CASKIN2: variants seen among roughly 807,000 people sequenced by gnomAD.
CASKIN2 encodes the protein CASK interacting protein 2.
A neutral mutation model predicts 107.1 loss-of-function variants in CASKIN2; 41 were observed. The ratio of observed to expected loss-of-function variants is 0.38; its 90% CI spans 0.30 to 0.50. The LOEUF is 0.50. CASKIN2 is among the 20% of genes least tolerant of loss of function. CASKIN2 has a pLI of 0.92. For missense variants in CASKIN2, 1,546 were observed against 1,657.4 expected, an observed-to-expected ratio of 0.93 and a Z score of 1.17; for synonymous variants, 724 against 705.6, an observed-to-expected ratio of 1.03 and a Z score of -0.41.
chr17:75,504,388 C>T, intron 13 of CASKIN2, 32 bp downstream of exon 13: 8 of 1,602,522 alleles, frequency 5.0e-6, no homozygotes, highest in Non-Finnish European at 6.8e-6. Flanking sequence ...TGCACCTCTC[C>T]TAGCCAACCC....
intron 4 of CASKIN2, 113 bp downstream of exon 4, chr17:75,507,471 T>G (rs2053277862): frequency 1.3e-6 from 1 of 775,772 alleles, no homozygotes; most frequent in African/African-American, 1.7e-5. Context: ...AGAGACGCTG[T>G]GCTAGCATCT....
At chr17:75,513,424 G>T (rs2053330980) in intron 2 of CASKIN2, among the ~76,000 whole-genome samples, 1 of 152,190 alleles carries the variant, frequency 6.6e-6, no homozygotes, top group Non-Finnish European at 1.5e-5. Context: ...CAGCCTGGGT[G>T]ACAAGCTATA....
chr17:75,501,817 G>A lies in CASKIN2; in HGVS notation c.3257C>T (p.Pro1086Leu), dbSNP rs199651519. The A allele has an allele frequency of 2.0e-5, 31 of 1,548,602 alleles. No homozygotes were observed. Among genetic ancestry groups the A allele is most frequent in the African/African-American group, 1.6e-4 (12 of 73,070 alleles). Residue 1086 changes from proline to leucine, a missense_variant, in exon 18 of 20, where the codon CCG becomes CTG. Pro to Leu is a moderately conservative substitution (Grantham distance 98). Coordinates refer to ENST00000321617, the MANE Select transcript of CASKIN2 (RefSeq NM_020753.5). ...ASRWNGETEPPAAPAALLKVP... is the reference protein window; with the variant it reads ...ASRWNGETEPLAAPAALLKVP... The stretch of plus-strand genomic sequence containing the variant: ...CTTGAGGAGGGCAGCAGGGGCGGCC[G>A]GGGGTTCTGTCTCCCCATTCCACCG...
intron 2 of CASKIN2, among the ~76,000 whole-genome samples, chr17:75,512,949 A>G (rs1317969562): frequency 6.6e-6 from 1 of 151,932 alleles, no homozygotes; most frequent in Non-Finnish European, 1.5e-5. Context: ...ACACGAACAT[A>G]GAGGTGCTCT....
chr17:75,501,013 G>A lies in CASKIN2; in HGVS notation c.*67C>T, dbSNP rs2146975477. The A allele has an allele frequency of 6.9e-7, 1 of 1,450,432 alleles. No homozygotes were observed. The highest frequency in any genetic ancestry group is 1.2e-5 in the South Asian group (1 of 81,990). 89.8% of individuals were successfully genotyped at this position (1,450,432 alleles called of 1,614,324 possible). A position where few individuals can be genotyped will look rare whatever the true frequency, so the allele number is the denominator to read the frequency against. On this transcript the variant is annotated 3_prime_UTR_variant, in exon 20 of 20. Coordinates refer to ENST00000321617, the MANE Select transcript of CASKIN2 (RefSeq NM_020753.5). The stretch of plus-strand genomic sequence containing the variant: ...CCTTGGCCCGTCCCTAGGGTGGCAG[G>A]GGCCTCTTCTGTGCTGGGGCAAAGG...
intron 11 of CASKIN2, 40 bp downstream of exon 11, chr17:75,504,772 G>T (rs572918040): frequency 6.3e-7 from 1 of 1,585,546 alleles, no homozygotes; most frequent in African/African-American, 1.3e-5. Context: ...CAGGCCACAC[G>T]CCCACACAGT....
Position 75,501,183 on chromosome 17 carries a change from G to A in CASKIN2, c.3519-13C>T, listed in dbSNP as rs755815421. 1 of 1,572,174 alleles carries A rather than the reference G, an allele frequency of 6.4e-7. No individual in the cohort carries two copies. The highest frequency in any genetic ancestry group is 1.2e-5 in the South Asian group (1 of 85,822). On this transcript the variant is annotated splice_polypyrimidine_tract_variant and intron_variant, in intron 19 of 19. Transcript: ENST00000321617. ...GGCGCTGGGGGTGCTGCAGCAAGGG[G>A]AAGGATGCGGTCAGATCAGCCAGTG... is the stretch of plus-strand genomic sequence containing the variant.
intron 2 of CASKIN2, 115 bp from the exon 3 acceptor site, chr17:75,508,400 C>T: frequency 8.8e-7 from 1 of 1,138,260 alleles, no homozygotes; most frequent in South Asian, 1.4e-5. Context: ...AGCACCTGCC[C>T]CATGGCCTTC....
Position 75,502,890 on chromosome 17 carries a change from C to G in CASKIN2, c.2184G>C (p.Gln728His). Reference protein sequence around the residue: ...QPSGGDPSPPQERNLPEGTER... With the variant: ...QPSGGDPSPPHERNLPEGTER... ...CTGTGCCCTCTGGGAGGTTCCTCTCCTGGGGGGGGCTGGGATCTCCACCGC... is the reference window on the plus strand; with the variant it reads ...CTGTGCCCTCTGGGAGGTTCCTCTCGTGGGGGGGGCTGGGATCTCCACCGC... Residue 728 changes from glutamine to histidine, a missense_variant, in exon 18 of 20, where the codon CAG becomes CAC. Transcript: ENST00000321617. This position sits in a 1 kb window ranked among gnomAD's most constrained non-coding sequence, Gnocchi z 4.3. 6.5e-7 allele frequency: 1 copy of G among 1,543,152 alleles called. No individual in the cohort carries two copies. The highest frequency in any genetic ancestry group is 1.3e-5 in the South Asian group (1 of 79,658).
At position 75,503,895 on chromosome 17, in the gene CASKIN2, T is replaced by C. The variant is rs750134829; in HGVS notation, c.1535A>G (p.Gln512Arg). 3.1e-6 allele frequency: 5 copies of C among 1,612,788 alleles called. No homozygotes were observed. Among genetic ancestry groups the C allele is most frequent in the Non-Finnish European group, 4.2e-6 (5 of 1,179,908 alleles). The stretch of plus-strand genomic sequence containing the variant: ...GATGGTAGGCACATCATAGCCGGCC[T>C]GCAGAAAGTGGGCAGTGTAGCCCTC... Reference protein sequence around the residue: ...QLEGYTAHFLQAGYDVPTISR... With the variant: ...QLEGYTAHFLRAGYDVPTISR... The change falls in exon 15 of 20, where the codon CAG (glutamine) becomes CGG (arginine). Residue 512 changes from glutamine to arginine, a missense_variant. By Grantham distance (43) the Gln-to-Arg change is conservative. Transcript: ENST00000321617.
chr17:75,505,235 G>A lies in CASKIN2; in HGVS notation c.931-162C>T. The A allele has an allele frequency of 1.3e-6, 1 of 783,912 alleles. No individual in the cohort carries two copies. Among genetic ancestry groups the A allele is most frequent in the South Asian group, 1.7e-5 (1 of 59,096 alleles). 48.6% of individuals were successfully genotyped at this position (783,912 alleles called of 1,614,324 possible). A position where few individuals can be genotyped will look rare whatever the true frequency, so the allele number is the denominator to read the frequency against. ...CACTGGCCCAAGTTCCGCCCCTGCT[G>A]CCAGCAGCCAGCTCAATCTCCCCTG... On this transcript the variant is annotated intron_variant, in intron 10 of 19. Transcript: ENST00000321617. This position sits in a 1 kb window ranked among gnomAD's most constrained non-coding sequence, Gnocchi z 5.1.
At position 75,514,116 on chromosome 17, in the gene CASKIN2, TC is replaced by T; in HGVS notation, c.-313del. The stretch of plus-strand genomic sequence containing the variant: ...GGGCTGGGACTGGGCACACCAATCT[TC>T]CCGGCTTGGCTGTGGAACACCAGTG... On this transcript the variant is annotated 5_prime_UTR_variant, in exon 2 of 20. The change abolishes the stop of an existing upstream ORF in the 5' untranslated region. Coordinates refer to ENST00000321617, the MANE Select transcript of CASKIN2 (RefSeq NM_020753.5). The T allele has an allele frequency of 1.9e-6, 1 of 527,464 alleles. No homozygotes were observed. The highest frequency in any genetic ancestry group is 3.4e-6 in the Non-Finnish European group (1 of 298,234). 32.7% of individuals were successfully genotyped at this position (527,464 alleles called of 1,614,324 possible). A position where few individuals can be genotyped will look rare whatever the true frequency, so the allele number is the denominator to read the frequency against.
rs2053183534 is a variant in CASKIN2, at chr17:75,501,472, C to T, written c.3514G>A (p.Glu1172Lys). ...AEKSIGTKEQ[E>K]GTPSASTKHI... ...TCCCCATCCGGCCCCCCTCACCCCT[C>T]TTGCTCCTTGGTGCCAATGCTCTTC... The change falls in exon 19 of 20, where the codon GAG becomes AAG. Residue 1172 changes from glutamate (E) to lysine (K), a missense_variant. Around this residue, in one of 6 missense-constraint regions of CASKIN2, gnomAD observed 1,311 missense variants for 1,311.0 expected, o/e 1.00. Coordinates refer to ENST00000321617, the MANE Select transcript of CASKIN2 (RefSeq NM_020753.5). 1.2e-6 allele frequency: 2 copies of T among 1,608,124 alleles called. No homozygotes were observed. Among genetic ancestry groups the T allele is most frequent in the South Asian group, 1.1e-5 (1 of 90,900 alleles).
chr17:75,511,291 C>T (rs1310628404), intron 2 of CASKIN2, among the ~76,000 whole-genome samples: 2 of 151,982 alleles, frequency 1.3e-5, no homozygotes, highest in Non-Finnish European at 2.9e-5. Flanking sequence ...GAACTCCTGA[C>T]GTCAAGTGAT....
At position 75,501,978 on chromosome 17, in the gene CASKIN2, TGGA is replaced by T. The variant is rs950461956; in HGVS notation, c.3093_3095del (p.Pro1032del). On this transcript the variant is annotated inframe_deletion, in exon 18 of 20. Transcript: ENST00000321617. The stretch of plus-strand genomic sequence containing the variant: ...GCTCGGGCTGGGGAAGGCTAGAAGC[TGGA>T]GGAGACTCGCCAGGAGTTGGGGAAG... 6 of 1,611,470 alleles carry T rather than the reference TGGA, an allele frequency of 3.7e-6. No individual in the cohort carries two copies. In the African/African-American group the frequency reaches 6.7e-5, roughly 18 times the overall value.
Position 75,502,227 on chromosome 17 carries a change from C to T in CASKIN2, c.2847G>A (p.Gly949=), listed in dbSNP as rs1462017985. The part of the protein sequence containing the change: ...TPPSRGSSGE[G]LPFAEEGNLT... Reference sequence around the variant, plus strand: ...GGTTCCCTTCCTCTGCAAACGGCAGCCCTTCCCCAGAGCTGCCCCGAGATG... The same window carrying T: ...GGTTCCCTTCCTCTGCAAACGGCAGTCCTTCCCCAGAGCTGCCCCGAGATG... Residue 949 remains glycine (G), a synonymous_variant, in exon 18 of 20, where the codon GGG becomes GGA. Transcript: ENST00000321617. This position sits in a 1 kb window ranked among gnomAD's most constrained non-coding sequence, Gnocchi z 4.3. 1 of 1,583,812 alleles carries T rather than the reference C, an allele frequency of 6.3e-7. No individual in the cohort carries two copies. The highest frequency in any genetic ancestry group is 8.5e-7 in the Non-Finnish European group (1 of 1,170,462).
At chr17:75,514,726 G>C (rs1200580142) in intron 1 of CASKIN2, among the ~76,000 whole-genome samples, 1 of 152,208 alleles carries the variant, frequency 6.6e-6, no homozygotes, top group Non-Finnish European at 1.5e-5. Flanking sequence ...TTTGTGAACG[G>C]AGAGCATGAA....
Position 75,506,208 on chromosome 17 carries a change from C to T in CASKIN2, c.726+97G>A. ...TCTTTCCTGACGCCCATGCAAAAAC[C>T]ACGCTGGAGTCCTCCGTCCCGTACC... On this transcript the variant is annotated intron_variant, in intron 8 of 19. Coordinates refer to ENST00000321617, the MANE Select transcript of CASKIN2 (RefSeq NM_020753.5). The surrounding 1 kb of genome is among the most constrained non-coding windows in gnomAD (Gnocchi z 4.8). The T allele has an allele frequency of 9.1e-7, 1 of 1,104,808 alleles. No individual in the cohort carries two copies. The highest frequency in any genetic ancestry group is 2.4e-5 in the East Asian group (1 of 41,062). The allele number at this position is 1,104,808 out of a possible 1,614,324, so 68.4% of individuals were successfully genotyped here.
Position 75,504,316 on chromosome 17 carries a change from G to A in CASKIN2, c.1376-10C>T. The A allele has an allele frequency of 1.9e-6, 3 of 1,605,416 alleles. No homozygotes were observed. Among genetic ancestry groups the A allele is most frequent in the Non-Finnish European group, 2.6e-6 (3 of 1,176,130 alleles). ...CGGTGGCTCAGGTTGTCTTCAAGGA[G>A]AGAGAAAAATGGAATGGAAAGGTGG... is the stretch of plus-strand genomic sequence containing the variant. On this transcript the variant is annotated splice_polypyrimidine_tract_variant and intron_variant, in intron 13 of 19. Transcript: ENST00000321617.
Sources: allele counts gnomAD v4.1 joint callset (sites outside exome capture counted in the v4.1 genomes callset), GRCh38; gene constraint gnomAD v4.1.1; regional missense constraint gnomAD v4.1.1; non-coding constraint Gnocchi (gnomAD v3.1); transcripts MANE v1.5; gene names NCBI Gene and HGNC (gene_info 2026-07-23, HGNC 2026-07-21).